Variants in WAPL observed in about 807,000 individuals in gnomAD.
WAPL encodes the protein wings apart-like protein homolog.
Under a neutral mutation model 121.0 loss-of-function variants are expected in WAPL, and 5 were observed. That is an observed-to-expected ratio of 0.04 (90% CI 0.02 to 0.09). WAPL has a LOEUF of 0.09. Ranked by LOEUF, WAPL falls within the 10% of genes least tolerant of loss-of-function variation. The probability of loss-of-function intolerance (pLI) is 1.00; values close to 1 mark genes in which losing one functional copy is unlikely to be tolerated. For missense variants in WAPL, 999 were observed against 1,410.8 expected (o/e 0.71, Z 4.68); for synonymous variants, 480 against 481.5 (o/e 1.00, Z 0.04).
At chr10:86,487,330 C>T (rs1010250051) in intron 4 of WAPL, among the ~76,000 whole-genome samples, 1 of 152,004 alleles carries the variant, frequency 6.6e-6, no homozygotes, top group African/African-American at 2.4e-5. Flanking sequence ...AACGAAAGTA[C>T]CAAGAACTGC....
At chr10:86,483,986 C>T (rs1242469534) in intron 4 of WAPL, among the ~76,000 whole-genome samples, 5 of 149,956 alleles carry the variant, frequency 3.3e-5, no homozygotes, top group Admixed American at 6.6e-5. Context: ...CCCCAAGTGC[C>T]GGGATTACAG....
At chr10:86,491,842 T>C (rs528944848) in intron 4 of WAPL, among the ~76,000 whole-genome samples, 1 of 152,320 alleles carries the variant, frequency 6.6e-6, no homozygotes, top group Non-Finnish European at 1.5e-5. Flanking sequence ...CAATGATTAC[T>C]GCAAGCATCC....
intron 9 of WAPL, among the ~76,000 whole-genome samples, chr10:86,462,471 G>A (rs1382410516): frequency 6.6e-6 from 1 of 152,056 alleles, no homozygotes; most frequent in South Asian, 2.1e-4. Context: ...TGTAATCCCA[G>A]CACTTTGGGA....
chr10:86,437,749 A>G, intron 18 of WAPL, 141 bp from the exon 19 acceptor site: 2 of 1,064,162 alleles, frequency 1.9e-6, no homozygotes, highest in Non-Finnish European at 2.7e-6. Context: ...TGGGTTTGAT[A>G]AAGTTATTTG....
rs1310695340 is a variant in WAPL, at chr10:86,448,482, T to G, written c.3115-2033A>C. Among the ~76,000 whole-genome samples, 3 of 152,188 alleles carry G rather than the reference T, an allele frequency of 2.0e-5. 1 individual carries two copies. The highest frequency in any genetic ancestry group is 4.4e-5 in the Non-Finnish European group (3 of 68,044). On this transcript the variant is annotated intron_variant, in intron 15 of 18. Transcript: ENST00000298767. ...TGTATAAATCAAAAAGCTACTAGTT[T>G]GCAGTCATTACAAAGAATGTGATGA...
Position 86,499,820 on chromosome 10 carries a change from T to C in WAPL, c.1423A>G (p.Thr475Ala), listed in dbSNP as rs1842213904. ...EDDDCQVERK[T>A]SKKRTKTAPS... ...GCTGTTTTAGTTCTTTTTTTGCTTG[T>C]CTTTCTTTCTACTTGACAGTCATCA... is the stretch of plus-strand genomic sequence containing the variant. Residue 475 changes from threonine to alanine, a missense_variant, in exon 3 of 19, where the codon ACA becomes GCA. Physicochemically the swap from Thr to Ala is moderately conservative, Grantham distance 58. This residue lies in a region of WAPL where 531 missense variants were observed against 563.1 expected (regional missense o/e 0.94). Transcript: ENST00000298767. The C allele has an allele frequency of 6.2e-7, 1 of 1,613,670 alleles. No homozygotes were observed. Among genetic ancestry groups the C allele is most frequent in the Non-Finnish European group, 8.5e-7 (1 of 1,179,932 alleles).
At chr10:86,444,965 T>C (rs1047030854) in intron 16 of WAPL, among the ~76,000 whole-genome samples, 2 of 136,516 alleles carry the variant, frequency 1.5e-5, no homozygotes, top group African/African-American at 5.5e-5. Context: ...AGTATTACAA[T>C]ATTAAAACTA....
rs927636819 is a variant in WAPL, at chr10:86,473,965, T to C, written c.1653A>G (p.Thr551=). 2 of 1,613,818 alleles carry C rather than the reference T, an allele frequency of 1.2e-6. No homozygotes were observed. The highest frequency in any genetic ancestry group is 3.3e-5 in the Admixed American group (2 of 60,008). ...KIFSGPKRSP[T]KAVYNARHWN... is the part of the protein sequence containing the mutation. ...AATGTCTGGCATTATATACAGCTTT[T>C]GTGGGTGACTAGAGAAATGAGAGAA... Residue 551 remains threonine (T), a synonymous_variant, in exon 5 of 19, where the codon ACA becomes ACG. Transcript: ENST00000298767.
At chr10:86,504,760 T>G (rs1434019104) in intron 2 of WAPL, among the ~76,000 whole-genome samples, 1 of 152,014 alleles carries the variant, frequency 6.6e-6, no homozygotes, top group Non-Finnish European at 1.5e-5. Context: ...GCTGCTGTTA[T>G]GATCACACCT....
intron 2 of WAPL, among the ~76,000 whole-genome samples, chr10:86,509,661 C>T (rs564842092): frequency 1.3e-5 from 2 of 152,304 alleles, no homozygotes; most frequent in African/African-American, 4.8e-5. Flanking sequence ...CAAACTCATC[C>T]TCCTCTACCA....
At chr10:86,476,402 T>C (rs764801404) in intron 4 of WAPL, among the ~76,000 whole-genome samples, 15 of 143,292 alleles carry the variant, frequency 1.0e-4, no homozygotes, top group Non-Finnish European at 2.0e-4. Context: ...TGAAAGAATA[T>C]GTGCTGTCGG....
chr10:86,517,422 T>C (rs375383594), intron 2 of WAPL, 149 bp downstream of exon 2: 1 of 1,213,002 alleles, frequency 8.2e-7, no homozygotes. Flanking sequence ...TCTTTAAAGT[T>C]CTTAAATGTC....
intron 17 of WAPL, among the ~76,000 whole-genome samples, chr10:86,441,028 C>A (rs1849457484): frequency 6.6e-6 from 1 of 152,146 alleles, no homozygotes; most frequent in Admixed American, 6.6e-5. Context: ...TTCTTCCAGT[C>A]CTCCAGCTTC....
At chr10:86,460,055 G>C (rs1460843978) in intron 11 of WAPL, among the ~76,000 whole-genome samples, 1 of 152,232 alleles carries the variant, frequency 6.6e-6, no homozygotes, top group African/African-American at 2.4e-5. Flanking sequence ...AGAGGTTGCA[G>C]TGAGCTAAGA....
chr10:86,484,404 AG>A (rs1841879938), intron 4 of WAPL, among the ~76,000 whole-genome samples: 1 of 152,146 alleles, frequency 6.6e-6, no homozygotes, highest in African/African-American at 2.4e-5. Context: ...CTGAGGTGGG[AG>A]GATCAGTTGA....
intron 4 of WAPL, among the ~76,000 whole-genome samples, chr10:86,491,852 C>T (rs1842054837): frequency 6.6e-6 from 1 of 152,114 alleles, no homozygotes; most frequent in African/African-American, 2.4e-5. Context: ...TGCAAGCATC[C>T]ATCACTTTCC....
At position 86,446,394 on chromosome 10, in the gene WAPL, A is replaced by C; in HGVS notation, c.3170T>G (p.Leu1057Trp). 2 of 1,614,152 alleles carry C rather than the reference A, an allele frequency of 1.2e-6. No homozygotes were observed. The highest frequency in any genetic ancestry group is 1.7e-6 in the Non-Finnish European group (2 of 1,180,036). ...CTGAGTGGTGGGAGCATCTTTGATC[A>C]ACTCATCTGTTTTACTTTCTGCTAG... ...AQLAESKTDE[L>W]IKDAPTTQHD... is the part of the protein sequence containing the mutation. Residue 1057 changes from leucine to tryptophan, a missense_variant, in exon 16 of 19, where the codon TTG becomes TGG. Physicochemically the swap from Leu to Trp is moderately conservative, Grantham distance 61 (BLOSUM62 -2). Transcript: ENST00000298767.
intron 9 of WAPL, among the ~76,000 whole-genome samples, chr10:86,462,961 T>A (rs1564569064): frequency 1.3e-5 from 2 of 152,206 alleles, no homozygotes; most frequent in Non-Finnish European, 2.9e-5. Flanking sequence ...ACTCGAGCCT[T>A]TTTAGGAAGT....
rs1169526733 is a variant in WAPL at position 86,436,216 on chromosome 10, T to C, written c.*1327A>G. 1 of 152,610 alleles carries C rather than the reference T, an allele frequency of 6.6e-6. No individual in the cohort carries two copies. The highest frequency in any genetic ancestry group is 2.4e-5 in the African/African-American group (1 of 41,452). The allele number at this position is 152,610 out of a possible 1,614,324, so 9.5% of individuals were successfully genotyped here. On this transcript the variant is annotated 3_prime_UTR_variant, in exon 19 of 19. Transcript: ENST00000298767. ...AAGGAAATAACAAAGTCTAAATGGG[T>C]AAAAATTAGACTTTTAGCTATTTTC...
Sources: gnomAD v4.1 joint callset for allele counts (sites outside exome capture counted in the v4.1 genomes callset) on GRCh38, gnomAD v4.1.1 for gene constraint, gnomAD v4.1.1 regional missense constraint, MANE v1.5 for transcripts, NCBI Gene and HGNC (gene_info 2026-07-23, HGNC 2026-07-21) for gene names.